Variants in LHFPL2 observed in about 807,000 individuals in gnomAD.
LHFPL2 encodes the protein LHFPL tetraspan subfamily member 2, also known as LHFPL tetraspan subfamily member 2 protein.
Under a neutral mutation model 17.5 loss-of-function variants are expected in LHFPL2, and 7 were observed. The observed-to-expected ratio is 0.40, with a 90% CI of 0.23 to 0.75. The LOEUF (loss-of-function observed/expected upper bound fraction) is 0.75. Ranked by LOEUF, LHFPL2 falls within the 30% of genes least tolerant of loss-of-function variation. The pLI is 0.37. For missense variants in LHFPL2, 241 were observed against 294.8 expected (o/e 0.82, Z 1.34); for synonymous variants, 134 against 116.2 (o/e 1.15, Z -0.99).
chr5:78,514,723 A>G (rs552395320), intron 3 of LHFPL2, among the ~76,000 whole-genome samples: 4 of 152,346 alleles, frequency 2.6e-5, no homozygotes, highest in Admixed American at 6.5e-5. Flanking sequence ...GGTTGCATCA[A>G]AAAGCTCTCA....
At chr5:78,575,506 G>A (rs758961261) in intron 2 of LHFPL2, among the ~76,000 whole-genome samples, 3 of 151,954 alleles carry the variant, frequency 2.0e-5, no homozygotes, top group Non-Finnish European at 4.4e-5. Flanking sequence ...CCAAGATTGC[G>A]CCACTGCACT....
chr5:78,552,428 T>A (rs1465079393), intron 3 of LHFPL2, among the ~76,000 whole-genome samples: 5 of 152,182 alleles, frequency 3.3e-5, no homozygotes, highest in Non-Finnish European at 7.4e-5. Context: ...CCACCGCGCC[T>A]GGCCATGTCA....
chr5:78,590,041 T>C (rs1195468714), intron 2 of LHFPL2: 1 of 152,240 alleles, frequency 6.6e-6, no homozygotes, highest in African/African-American at 2.4e-5. Context: ...TAGATATCCA[T>C]ATAACTAAAA....
chr5:78,568,201 T>C (rs1756908061), intron 2 of LHFPL2, among the ~76,000 whole-genome samples: 1 of 152,172 alleles, frequency 6.6e-6, no homozygotes, highest in South Asian at 2.1e-4. Context: ...GGTCTTTATC[T>C]GTATATATGT....
At chr5:78,612,381 T>C (rs1180542021) in intron 2 of LHFPL2, among the ~76,000 whole-genome samples, 2 of 152,214 alleles carry the variant, frequency 1.3e-5, no homozygotes, top group East Asian at 3.8e-4. Flanking sequence ...TGGAATGCCA[T>C]TGTATAGTCA....
rs1242007607 is a variant in LHFPL2 at position 78,648,132 on chromosome 5, G to A, written c.-350+367C>T. 6.6e-6 allele frequency among the ~76,000 whole-genome samples: 1 copy of A among 152,146 alleles called. No homozygotes were observed. The highest frequency in any genetic ancestry group is 2.4e-5 in the African/African-American group (1 of 41,436). On this transcript the variant is annotated intron_variant, in intron 1 of 4. Transcript: ENST00000380345. This position sits in a 1 kb window ranked among gnomAD's most constrained non-coding sequence, Gnocchi z 5.4. ...GCGCTGGAACCCGGCGCCCAGCTGC[G>A]CCTGGGACCCACGCGCCGCCGTCCG...
intron 4 of LHFPL2, among the ~76,000 whole-genome samples, chr5:78,491,934 C>T (rs2112288114): frequency 6.6e-6 from 1 of 152,296 alleles, no homozygotes; most frequent in Non-Finnish European, 1.5e-5. Context: ...AAAAAATATT[C>T]TCCATCTGAA....
At chr5:78,591,118 T>C (rs1245738159) in intron 2 of LHFPL2, among the ~76,000 whole-genome samples, 1 of 152,150 alleles carries the variant, frequency 6.6e-6, no homozygotes, top group Non-Finnish European at 1.5e-5. Flanking sequence ...TTTTGTAAAA[T>C]CTCCTCAGGC....
intron 1 of LHFPL2, among the ~76,000 whole-genome samples, chr5:78,636,394 T>A (rs1261854443): frequency 1.3e-5 from 2 of 152,246 alleles, no homozygotes; most frequent in African/African-American, 4.8e-5. Flanking sequence ...AGGAGCTACT[T>A]CTATATCCAG....
At chr5:78,588,767 T>C (rs1209768470) in intron 2 of LHFPL2, among the ~76,000 whole-genome samples, 1 of 152,220 alleles carries the variant, frequency 6.6e-6, no homozygotes, top group Admixed American at 6.5e-5. Flanking sequence ...TCCCTGACAC[T>C]GTTAGTGTGA....
intron 3 of LHFPL2, among the ~76,000 whole-genome samples, chr5:78,533,527 T>C (rs774731880): frequency 8.5e-5 from 13 of 152,188 alleles, no homozygotes; most frequent in African/African-American, 2.9e-4. Context: ...AGCTCTTCTA[T>C]CACCTTGAAT....
At chr5:78,572,269 A>C (rs1757017319) in intron 2 of LHFPL2, among the ~76,000 whole-genome samples, 1 of 152,132 alleles carries the variant, frequency 6.6e-6, no homozygotes, top group Non-Finnish European at 1.5e-5. Flanking sequence ...CATGTGAAGT[A>C]ATTAAGGAAA....
chr5:78,550,259 C>T (rs957713211), intron 3 of LHFPL2, among the ~76,000 whole-genome samples: 1 of 152,190 alleles, frequency 6.6e-6, no homozygotes, highest in African/African-American at 2.4e-5. Flanking sequence ...CCAGGTTCTC[C>T]ACTTTCAACA....
chr5:78,494,635 G>A (rs1036485486), intron 4 of LHFPL2: 1 of 409,258 alleles, frequency 2.4e-6, no homozygotes, highest in Non-Finnish European at 3.3e-6. Context: ...CTCACCGATG[G>A]TCATGGTATT....
rs1421114259 is a variant in LHFPL2 at position 78,648,068 on chromosome 5, G to A, written c.-350+431C>T. Among the ~76,000 whole-genome samples the A allele has an allele frequency of 1.3e-5, 2 of 152,128 alleles. No individual in the cohort carries two copies. Among genetic ancestry groups the A allele is most frequent in the Admixed American group, 1.3e-4 (2 of 15,278 alleles). ...ACACGCCACGGACCAGGGACAGCAGGGGCGACCACGGGGCGGCCCCCAGGG... is the reference window on the plus strand; with the variant it reads ...ACACGCCACGGACCAGGGACAGCAGAGGCGACCACGGGGCGGCCCCCAGGG... On this transcript the variant is annotated intron_variant, in intron 1 of 4. Coordinates refer to ENST00000380345, the MANE Select transcript of LHFPL2 (RefSeq NM_005779.3). The surrounding 1 kb of genome is among the most constrained non-coding windows in gnomAD (Gnocchi z 5.4).
At chr5:78,598,981 G>A (rs1017757307) in intron 2 of LHFPL2, among the ~76,000 whole-genome samples, 9 of 152,040 alleles carry the variant, frequency 5.9e-5, no homozygotes, top group East Asian at 3.9e-4. Context: ...TTGAACATAC[G>A]GTAATTTCAG....
chr5:78,543,876 C>A (rs921251785), intron 3 of LHFPL2, among the ~76,000 whole-genome samples: 1 of 152,182 alleles, frequency 6.6e-6, no homozygotes, highest in African/African-American at 2.4e-5. Context: ...TGACTTGGGA[C>A]GGGAGGTGGA....
At chr5:78,614,159 T>G (rs992046362) in intron 2 of LHFPL2, among the ~76,000 whole-genome samples, 1 of 152,218 alleles carries the variant, frequency 6.6e-6, no homozygotes, top group South Asian at 2.1e-4. Flanking sequence ...AAAAGCTTCA[T>G]GGGTGAAATA....
intron 4 of LHFPL2, among the ~76,000 whole-genome samples, chr5:78,489,628 G>A (rs1280355169): frequency 6.6e-6 from 1 of 152,036 alleles, no homozygotes; most frequent in Middle Eastern, 3.2e-3. Context: ...AAACTCCTAA[G>A]CTCAAGTGAT....
Sources: gnomAD v4.1 joint callset for allele counts (sites outside exome capture counted in the v4.1 genomes callset) on GRCh38, gnomAD v4.1.1 for gene constraint, Gnocchi (gnomAD v3.1) non-coding constraint, MANE v1.5 for transcripts, NCBI Gene and HGNC (gene_info 2026-07-23, HGNC 2026-07-21) for gene names.